NKAIN3: variants seen among roughly 807,000 people sequenced by gnomAD.
NKAIN3 encodes the protein sodium/potassium-transporting ATPase subunit beta-1-interacting protein 3.
A neutral mutation model predicts 30.2 loss-of-function variants in NKAIN3; 25 were observed. That is an observed-to-expected ratio of 0.83 (90% CI 0.60 to 1.16). The LOEUF is 1.16. Among genes scored for constraint, NKAIN3 ranks in the 50% most tolerant of loss-of-function variants. The pLI is 0.00. For synonymous variants in NKAIN3, 91 were observed against 89.6 expected (o/e 1.02, Z -0.09); for missense variants, 225 against 254.1 (o/e 0.89, Z 0.78).
intron 3 of NKAIN3, among the ~76,000 whole-genome samples, chr8:62,723,185 T>C (rs1381499379): frequency 6.6e-6 from 1 of 152,190 alleles, no homozygotes; most frequent in African/African-American, 2.4e-5. Context: ...TAATTATATG[T>C]TTTTTAAAAA....
At chr8:62,527,424 C>G (rs901975420) in intron 1 of NKAIN3, among the ~76,000 whole-genome samples, 5 of 152,140 alleles carry the variant, frequency 3.3e-5, no homozygotes, top group African/African-American at 1.2e-4. Flanking sequence ...GGACAACAGA[C>G]CAGATAACCT....
At chr8:62,867,667 A>C (rs1295023669) in intron 4 of NKAIN3, among the ~76,000 whole-genome samples, 1 of 152,220 alleles carries the variant, frequency 6.6e-6, no homozygotes, top group African/African-American at 2.4e-5. Context: ...GAGGTTCCAC[A>C]ATAAATTTCA....
intron 5 of NKAIN3, among the ~76,000 whole-genome samples, chr8:62,950,656 A>T (rs1009890430): frequency 6.6e-6 from 1 of 152,178 alleles, no homozygotes; most frequent in African/African-American, 2.4e-5. Flanking sequence ...AACAAATAGC[A>T]ATTTAAAAAA....
chr8:62,926,102 G>A (rs916798115), intron 5 of NKAIN3, among the ~76,000 whole-genome samples: 1 of 152,060 alleles, frequency 6.6e-6, no homozygotes, highest in African/African-American at 2.4e-5. Context: ...ATGCAGATGT[G>A]ATAATGAGGG....
At chr8:62,611,494 A>C (rs1231534402) in intron 3 of NKAIN3, among the ~76,000 whole-genome samples, 2 of 152,072 alleles carry the variant, frequency 1.3e-5, no homozygotes, top group Non-Finnish European at 2.9e-5. Context: ...ATGTCCATAT[A>C]TTCAATTGTT....
chr8:62,354,847 A>G (rs1471882068), intron 1 of NKAIN3, among the ~76,000 whole-genome samples: 1 of 152,214 alleles, frequency 6.6e-6, no homozygotes. Context: ...GCTCCCTGAT[A>G]CATGTACAGG....
At chr8:62,683,599 C>T (rs1813711925) in intron 3 of NKAIN3, among the ~76,000 whole-genome samples, 1 of 152,206 alleles carries the variant, frequency 6.6e-6, no homozygotes. Context: ...ACCTTTCACA[C>T]TTGCTGGGTG....
intron 1 of NKAIN3, among the ~76,000 whole-genome samples, chr8:62,291,395 A>G (rs1392391816): frequency 6.6e-6 from 1 of 152,172 alleles, no homozygotes; most frequent in East Asian, 1.9e-4. Context: ...ATTTCCCTCT[A>G]TAGACTGCTT....
intron 4 of NKAIN3, among the ~76,000 whole-genome samples, chr8:62,831,242 GA>G (rs1289883872): frequency 4.0e-5 from 6 of 151,718 alleles, no homozygotes; most frequent in African/African-American, 1.5e-4. Flanking sequence ...AAATACAAGG[GA>G]AAAATGAAAA....
intron 5 of NKAIN3, among the ~76,000 whole-genome samples, chr8:62,943,716 A>T (rs987204058): frequency 2.7e-5 from 4 of 148,400 alleles, no homozygotes; most frequent in South Asian, 2.1e-4. Flanking sequence ...TATAAAGAAA[A>T]TTTTTTAAAA....
intron 1 of NKAIN3, among the ~76,000 whole-genome samples, chr8:62,405,935 C>G (rs1449040682): frequency 6.6e-6 from 1 of 152,192 alleles, no homozygotes; most frequent in Non-Finnish European, 1.5e-5. Flanking sequence ...TTACACCATA[C>G]AAGTTATTAC....
intron 4 of NKAIN3, among the ~76,000 whole-genome samples, chr8:62,906,853 G>A (rs2130844638): frequency 6.6e-6 from 1 of 152,268 alleles, no homozygotes; most frequent in South Asian, 2.1e-4. Context: ...TATTAGCAGT[G>A]TGAGAACAGA....
chr8:62,932,748 GT>G (rs555081717), intron 5 of NKAIN3, among the ~76,000 whole-genome samples: 1 of 151,860 alleles, frequency 6.6e-6, no homozygotes, highest in South Asian at 2.1e-4. Context: ...TTTTAAATTT[GT>G]TTTTTTAGAG....
intron 1 of NKAIN3, among the ~76,000 whole-genome samples, chr8:62,490,655 T>C (rs980372886): frequency 1.7e-4 from 26 of 152,192 alleles, no homozygotes; most frequent in African/African-American, 6.3e-4. Flanking sequence ...AATTCATGAA[T>C]GTTTATGTGT....
intron 1 of NKAIN3, among the ~76,000 whole-genome samples, chr8:62,271,004 A>G (rs1004753058): frequency 6.6e-6 from 1 of 152,228 alleles, no homozygotes; most frequent in Non-Finnish European, 1.5e-5. Flanking sequence ...TTTAAATGTC[A>G]CTCATAAGAA....
intron 1 of NKAIN3, among the ~76,000 whole-genome samples, chr8:62,448,029 A>G (rs1407829646): frequency 6.6e-6 from 1 of 151,994 alleles, no homozygotes; most frequent in African/African-American, 2.4e-5. Flanking sequence ...ATAAATCAAC[A>G]TAAGGGAGAA....
chr8:62,946,772 T>C (rs1030266796), intron 5 of NKAIN3, among the ~76,000 whole-genome samples: 9 of 152,160 alleles, frequency 5.9e-5, no homozygotes, highest in African/African-American at 2.2e-4. Context: ...GCAGGAACAA[T>C]GATGGAACAG....
At chr8:62,624,849 C>T (rs1811744673) in intron 3 of NKAIN3, among the ~76,000 whole-genome samples, 1 of 147,756 alleles carries the variant, frequency 6.8e-6, no homozygotes, top group Non-Finnish European at 1.5e-5. Flanking sequence ...TTGTCATATT[C>T]TCAAACTCAG....
At chr8:62,662,864 GAC>G (rs1178000460) in intron 3 of NKAIN3, among the ~76,000 whole-genome samples, 1 of 152,144 alleles carries the variant, frequency 6.6e-6, no homozygotes, top group Non-Finnish European at 1.5e-5. Flanking sequence ...ATATATCTAT[GAC>G]ACAAGACATA....
Sources: gnomAD v4.1 joint callset for allele counts (sites outside exome capture counted in the v4.1 genomes callset) on GRCh38, gnomAD v4.1.1 for gene constraint, MANE v1.5 for transcripts, NCBI Gene and HGNC (gene_info 2026-07-23, HGNC 2026-07-21) for gene names.